FAM227B: variants seen among roughly 807,000 people sequenced by gnomAD.
FAM227B encodes the protein protein FAM227B.
FAM227B carries 88 observed loss-of-function variants against 73.8 expected under a neutral mutation model. That is an observed-to-expected ratio of 1.19 (90% confidence interval 1.00 to 1.42). The LOEUF (loss-of-function observed/expected upper bound fraction) is 1.42, where lower values mean the gene tolerates loss of function less well. FAM227B is among the 40% of genes most tolerant of loss of function. The probability of loss-of-function intolerance (pLI) is 0.00; values close to 1 mark genes in which losing one functional copy is unlikely to be tolerated. For synonymous variants in FAM227B, 210 were observed against 190.5 expected (o/e 1.10, Z -0.84); for missense variants, 632 against 590.9 (o/e 1.07, Z -0.72).
chr15:49,434,869 AAG>A (rs917676532), intron 11 of FAM227B, among the ~76,000 whole-genome samples: 22 of 151,676 alleles, frequency 1.5e-4, no homozygotes, highest in South Asian at 1.2e-3. Context: ...ATTAATAAAA[AAG>A]AGAACCAATT....
chr15:49,354,822 G>C (rs2042845678), intron 13 of FAM227B, among the ~76,000 whole-genome samples: 1 of 151,930 alleles, frequency 6.6e-6, no homozygotes, highest in Non-Finnish European at 1.5e-5. Flanking sequence ...AGTAACCTCT[G>C]CAGACTTAAA....
intron 10 of FAM227B, among the ~76,000 whole-genome samples, chr15:49,508,858 A>G (rs12440099): frequency 0.32 from 49,373 of 152,006 alleles, 8,747 homozygotes; most frequent in African/African-American, 0.45. Context: ...GCATTAATAG[A>G]AAAATTGAAG....
intron 13 of FAM227B, among the ~76,000 whole-genome samples, chr15:49,361,176 TAC>T (rs1450930511): frequency 1.3e-4 from 20 of 152,196 alleles, no homozygotes; most frequent in South Asian, 2.1e-4. Flanking sequence ...CATAAATATA[TAC>T]AATTATAATT....
At chr15:49,555,324 G>A (rs1605479) in intron 9 of FAM227B, among the ~76,000 whole-genome samples, 49,426 of 152,002 alleles carry the variant, frequency 0.33, 8,769 homozygotes, top group African/African-American at 0.45. Context: ...AGTTTAGTTT[G>A]GCTGGATATT....
chr15:49,579,393 A>G (rs2075668738), intron 5 of FAM227B, among the ~76,000 whole-genome samples: 1 of 152,212 alleles, frequency 6.6e-6, no homozygotes, highest in Non-Finnish European at 1.5e-5. Context: ...TATGGAACCA[A>G]TCTAAGTTTC....
At chr15:49,412,169 A>G (rs1362200619) in intron 11 of FAM227B, among the ~76,000 whole-genome samples, 1 of 152,114 alleles carries the variant, frequency 6.6e-6, no homozygotes. Flanking sequence ...AGCTATAATC[A>G]TGTGTAGCCA....
At chr15:49,338,382 T>C (rs2040135703) in intron 13 of FAM227B, among the ~76,000 whole-genome samples, 1 of 152,222 alleles carries the variant, frequency 6.6e-6, no homozygotes, top group Admixed American at 6.5e-5. Context: ...CCTTCACTTA[T>C]GAAGCTTAGT....
chr15:49,345,875 A>G (rs190413264), intron 13 of FAM227B, among the ~76,000 whole-genome samples: 1 of 152,308 alleles, frequency 6.6e-6, no homozygotes, highest in Non-Finnish European at 1.5e-5. Context: ...TGAAGCTTCT[A>G]GAAGTGAAGT....
At chr15:49,439,876 A>G (rs552483078) in intron 11 of FAM227B, among the ~76,000 whole-genome samples, 26 of 151,920 alleles carry the variant, frequency 1.7e-4, no homozygotes, top group African/African-American at 6.3e-4. Context: ...TCTGGAAGGA[A>G]GCCATGAGAT....
At chr15:49,339,134 G>C (rs1415403834) in intron 13 of FAM227B, among the ~76,000 whole-genome samples, 1 of 152,164 alleles carries the variant, frequency 6.6e-6, no homozygotes, top group Admixed American at 6.5e-5. Context: ...ACTTCTGTCA[G>C]TTTGTCAAAC....
rs188453534 is a variant in FAM227B, at chr15:49,509,895, T to C, written c.875-1547A>G. 2.0e-3 allele frequency among the ~76,000 whole-genome samples: 298 copies of C among 152,238 alleles called. 1 individual carries two copies. The highest frequency in any genetic ancestry group is 6.9e-3 in the African/African-American group (285 of 41,554). On this transcript the variant is annotated intron_variant, in intron 10 of 15. Transcript: ENST00000299338. ...CAATTATTTGGTAACTTACATATAT[T>C]CTAATTTTCATTTTTCATTTTATAA...
intron 10 of FAM227B, among the ~76,000 whole-genome samples, chr15:49,533,794 T>C (rs1204526300): frequency 1.3e-5 from 2 of 151,880 alleles, no homozygotes; most frequent in Admixed American, 6.6e-5. Flanking sequence ...AGGCAGCATA[T>C]AGTTGGGTGT....
intron 9 of FAM227B, among the ~76,000 whole-genome samples, chr15:49,543,795 G>T (rs1032379070): frequency 1.3e-5 from 2 of 152,118 alleles, no homozygotes; most frequent in African/African-American, 4.8e-5. Flanking sequence ...CTTTGTCAAA[G>T]ATCAGTTGGC....
At chr15:49,564,247 C>G (rs1173962831) in intron 9 of FAM227B, among the ~76,000 whole-genome samples, 1 of 152,128 alleles carries the variant, frequency 6.6e-6, no homozygotes, top group Non-Finnish European at 1.5e-5. Flanking sequence ...CTCAACATCA[C>G]CAATCATTAG....
intron 15 of FAM227B, 170 bp downstream of exon 15, chr15:49,331,610 T>A (rs1409403106): frequency 1.8e-6 from 1 of 563,416 alleles, no homozygotes; most frequent in Non-Finnish European, 3.1e-6. Context: ...ACTAAATATG[T>A]AAAACAGATT....
At chr15:49,529,586 T>C (rs529962749) in intron 10 of FAM227B, among the ~76,000 whole-genome samples, 2 of 151,740 alleles carry the variant, frequency 1.3e-5, no homozygotes, top group South Asian at 2.1e-4. Flanking sequence ...CAAGAAATAA[T>C]ACAAGGAGAT....
At chr15:49,347,694 T>C (rs548405184) in intron 13 of FAM227B, among the ~76,000 whole-genome samples, 2 of 152,164 alleles carry the variant, frequency 1.3e-5, no homozygotes, top group Non-Finnish European at 2.9e-5. Flanking sequence ...CAGAGAAGTA[T>C]TGATAACCTT....
At chr15:49,584,744 C>T (rs1393573091) in intron 5 of FAM227B, among the ~76,000 whole-genome samples, 1 of 152,122 alleles carries the variant, frequency 6.6e-6, no homozygotes, top group Non-Finnish European at 1.5e-5. Context: ...ATCAGAAACA[C>T]AATCCCATTC....
At chr15:49,375,675 A>G (rs540234838) in intron 11 of FAM227B, among the ~76,000 whole-genome samples, 2 of 152,216 alleles carry the variant, frequency 1.3e-5, no homozygotes, top group South Asian at 2.1e-4. Flanking sequence ...AATCTTTCCT[A>G]TAGAATGAAA....
Sources: allele counts gnomAD v4.1 joint callset (sites outside exome capture counted in the v4.1 genomes callset), GRCh38; gene constraint gnomAD v4.1.1; transcripts MANE v1.5; gene names NCBI Gene and HGNC (gene_info 2026-07-23, HGNC 2026-07-21).